The following AGTPBP1 variants were observed in gnomAD, a reference collection of about 807,000 sequenced individuals.
The protein encoded by AGTPBP1 is ATP/GTP binding carboxypeptidase 1, also known as cytosolic carboxypeptidase 1.
AGTPBP1 carries 70 observed loss-of-function variants against 143.9 expected under a neutral mutation model. The observed-to-expected ratio is 0.49, with a 90% CI of 0.40 to 0.59. The LOEUF is 0.59. Among genes scored for constraint, AGTPBP1 ranks in the 20% least tolerant of loss-of-function variants. AGTPBP1 has a pLI of 0.00. For synonymous variants in AGTPBP1, 463 were observed against 500.2 expected (o/e 0.93, Z 0.99); for missense variants, 1,229 against 1,464.5 (o/e 0.84, Z 2.62).
intron 24 of AGTPBP1, among the ~76,000 whole-genome samples, chr9:85,577,474 A>T (rs1403396787): frequency 6.6e-6 from 1 of 152,188 alleles, no homozygotes; most frequent in Non-Finnish European, 1.5e-5. Context: ...ATGATCGGGG[A>T]CAGGGGCTGG....
At chr9:85,705,961 A>G (rs1836967793) in intron 2 of AGTPBP1, among the ~76,000 whole-genome samples, 1 of 151,438 alleles carries the variant, frequency 6.6e-6, no homozygotes, top group South Asian at 2.1e-4. Context: ...AAGTGCTGGG[A>G]TTACAGGTGT....
At chr9:85,718,530 GGTAAATATGTTTAA>G (rs1192000937) in intron 1 of AGTPBP1, among the ~76,000 whole-genome samples, 1 of 151,652 alleles carries the variant, frequency 6.6e-6, no homozygotes, top group Non-Finnish European at 1.5e-5. Context: ...GGTTTTTTCT[GGTAAATATGTTTAA>G]GTTCTTTGTA....
At chr9:85,718,045 A>G (rs11141074) in intron 1 of AGTPBP1, among the ~76,000 whole-genome samples, 21,467 of 152,120 alleles carry the variant, frequency 0.14, 2,728 homozygotes, top group East Asian at 0.76. Context: ...TCCATGGTGT[A>G]CCTGTGCCAC....
intron 3 of AGTPBP1, among the ~76,000 whole-genome samples, chr9:85,684,533 TA>T (rs1383738391): frequency 6.6e-6 from 1 of 152,012 alleles, no homozygotes; most frequent in African/African-American, 2.4e-5. Context: ...CCTCCCCCTC[TA>T]TTTCCCTCTT....
At chr9:85,563,787 G>A (rs1826897895) in intron 25 of AGTPBP1, among the ~76,000 whole-genome samples, 1 of 152,200 alleles carries the variant, frequency 6.6e-6, no homozygotes, top group Non-Finnish European at 1.5e-5. Context: ...GAGATCATCA[G>A]AGTGGTTTCA....
At chr9:85,601,619 C>T (rs995773515) in intron 17 of AGTPBP1, among the ~76,000 whole-genome samples, 6 of 152,196 alleles carry the variant, frequency 3.9e-5, no homozygotes, top group African/African-American at 1.4e-4. Flanking sequence ...AGGGTTGTCC[C>T]ACCACTGATC....
At chr9:85,801,911 C>T in the AGTPBP1 span, among the ~76,000 whole-genome samples, 354 of 152,134 alleles carry the variant, frequency 2.3e-3, 1 homozygote, top group African/African-American at 8.2e-3. Flanking sequence ...ATCACTCTTG[C>T]GGTAATTCTT....
At position 85,580,434 on chromosome 9, in the gene AGTPBP1, T is replaced by C. The variant is rs1401588076; in HGVS notation, c.3166-1338A>G. 2.6e-5 allele frequency among the ~76,000 whole-genome samples: 4 copies of C among 151,998 alleles called. No individual in the cohort carries two copies. In the East Asian group the frequency reaches 7.7e-4, roughly 29 times the overall value. On this transcript the variant is annotated intron_variant, in intron 23 of 25. Coordinates refer to ENST00000357081, the MANE Select transcript of AGTPBP1 (RefSeq NM_001330701.2). ...TTGTTTTTGAGATGGAGTCTCGCAC[T>C]GTTGCTCACCACAACCTCTGCGTCC...
At chr9:85,639,880 T>C (rs763566290) in intron 13 of AGTPBP1, among the ~76,000 whole-genome samples, 10 of 152,182 alleles carry the variant, frequency 6.6e-5, no homozygotes, top group Non-Finnish European at 7.3e-5. Context: ...ACAAAGGATG[T>C]TGATAATTAC....
intron 1 of AGTPBP1, among the ~76,000 whole-genome samples, chr9:85,738,181 T>A (rs1482193326): frequency 6.6e-6 from 1 of 152,174 alleles, no homozygotes. Context: ...ACAGTAAACA[T>A]AGATAAATTC....
rs201796199 is a variant in AGTPBP1, at chr9:85,712,490, G to C, written c.32+12C>G. The C allele has an allele frequency of 2.2e-3, 3,141 of 1,452,864 alleles. 6 individuals are homozygous for C. Among genetic ancestry groups the C allele is most frequent in the Non-Finnish European group, 2.3e-3 (2,483 of 1,070,696 alleles). 90.0% of individuals were successfully genotyped at this position (1,452,864 alleles called of 1,614,324 possible). On this transcript the variant is annotated intron_variant, in intron 2 of 25. Transcript: ENST00000357081. Reference sequence around the variant, plus strand: ...TGTAACTTATGCATACTGATATTCAGAATTACAGTACCTTTTTTCTGGTAT... The same window carrying C: ...TGTAACTTATGCATACTGATATTCACAATTACAGTACCTTTTTTCTGGTAT...
chr9:85,795,672 C>T, the AGTPBP1 span, among the ~76,000 whole-genome samples: 1 of 151,936 alleles, frequency 6.6e-6, no homozygotes, highest in Non-Finnish European at 1.5e-5. Flanking sequence ...AGGAAGGGCA[C>T]CTAACTTTTA....
the AGTPBP1 span, among the ~76,000 whole-genome samples, chr9:85,779,188 GATAT>G: frequency 3.5e-5 from 1 of 28,196 alleles, no homozygotes; most frequent in African/African-American, 1.0e-4. Flanking sequence ...TATAGATATA[GATAT>G]AGATATAGAT....
the AGTPBP1 span, among the ~76,000 whole-genome samples, chr9:85,794,943 G>C: frequency 6.6e-6 from 1 of 152,082 alleles, no homozygotes; most frequent in Non-Finnish European, 1.5e-5. Flanking sequence ...CTAGTGTCAC[G>C]AAATACAACT....
intron 17 of AGTPBP1, among the ~76,000 whole-genome samples, chr9:85,607,658 C>T (rs925105580): frequency 6.6e-6 from 1 of 152,004 alleles, no homozygotes; most frequent in Non-Finnish European, 1.5e-5. Flanking sequence ...CTAATAATAT[C>T]CAAGTAAAGG....
chr9:85,729,154 A>C (rs1838714869), intron 1 of AGTPBP1, among the ~76,000 whole-genome samples: 1 of 152,230 alleles, frequency 6.6e-6, no homozygotes, highest in Non-Finnish European at 1.5e-5. Context: ...CAGTTGGAAA[A>C]AATAGTCTCT....
intron 8 of AGTPBP1, among the ~76,000 whole-genome samples, chr9:85,662,342 G>A (rs1833896758): frequency 6.6e-6 from 1 of 152,110 alleles, no homozygotes; most frequent in Admixed American, 6.6e-5. Context: ...ATTCATACCT[G>A]TAACTTCCTC....
intron 9 of AGTPBP1, among the ~76,000 whole-genome samples, chr9:85,660,262 G>A (rs62569185): frequency 0.017 from 2,656 of 151,966 alleles, 28 homozygotes; most frequent in Middle Eastern, 0.061. Flanking sequence ...AAATGTTACC[G>A]TGATTAAACA....
chr9:85,654,444 TG>T lies in AGTPBP1; in HGVS notation c.1087+698del, dbSNP rs80019490. 2.7e-3 allele frequency among the ~76,000 whole-genome samples: 413 copies of T among 152,308 alleles called. 2 individuals carry two copies. The highest frequency in any genetic ancestry group is 4.1e-3 in the Non-Finnish European group (282 of 68,026). ...ACCATAGTAATTTTGGTGATTAGGT[TG>T]TTTTTTTTTAACTTAAGAAAAAAAA... On this transcript the variant is annotated intron_variant, in intron 11 of 25. Transcript: ENST00000357081.
Sources: gnomAD v4.1 joint callset for allele counts (sites outside exome capture counted in the v4.1 genomes callset) on GRCh38, gnomAD v4.1.1 for gene constraint, MANE v1.5 for transcripts, NCBI Gene and HGNC (gene_info 2026-07-23, HGNC 2026-07-21) for gene names.